The following INTS7 variants were observed in gnomAD, a reference collection of about 807,000 sequenced individuals.
The protein encoded by INTS7 is integrator complex subunit 7.
A neutral mutation model predicts 109.2 loss-of-function variants in INTS7; 46 were observed. The ratio of observed to expected loss-of-function variants is 0.42; its 90% CI spans 0.33 to 0.54. The LOEUF is 0.54. Among genes scored for constraint, INTS7 ranks in the 20% least tolerant of loss-of-function variants. The probability of loss-of-function intolerance (pLI) is 0.07; values close to 1 mark genes in which losing one functional copy is unlikely to be tolerated. For missense variants in INTS7, 929 were observed against 1,132.4 expected (o/e 0.82, Z 2.58); for synonymous variants, 412 against 402.9 (o/e 1.02, Z -0.27).
In INTS7 at chr1:211,942,103, A is replaced by G. The variant is rs1662658017; in HGVS notation, c.2610T>C (p.Ile870=). 2 of 1,613,490 alleles carry G rather than the reference A, an allele frequency of 1.2e-6. No homozygotes were observed. Among genetic ancestry groups the G allele is most frequent in the South Asian group, 2.2e-5 (2 of 90,980 alleles). ...SKSGQDYKIP[I]DNMTNEMEQR... ...GCTCCATCTCATTGGTCATGTTGTC[A>G]ATGGGTATCTGCAATGAAACAATTG... Residue 870 remains isoleucine (I), a synonymous_variant, in exon 20 of 20, where the codon ATT becomes ATC. Transcript: ENST00000366994. This position sits in a 1 kb window ranked among gnomAD's most constrained non-coding sequence, Gnocchi z 4.2.
In INTS7 at chr1:211,975,375, A is replaced by G. The variant is rs753595968; in HGVS notation, c.1609-3T>C. The G allele has an allele frequency of 1.2e-6, 2 of 1,609,240 alleles. No individual in the cohort carries two copies. Among genetic ancestry groups the G allele is most frequent in the Non-Finnish European group, 1.7e-6 (2 of 1,176,898 alleles). ...TCTTTGGCCATGTCATGATTACCCT[A>G]AAAACAAAAAAAGAAAAGAAAAAAG... On this transcript the variant is annotated splice_region_variant and splice_polypyrimidine_tract_variant and intron_variant, in intron 12 of 19. Coordinates refer to ENST00000366994, the MANE Select transcript of INTS7 (RefSeq NM_015434.4).
intron 15 of INTS7, among the ~76,000 whole-genome samples, chr1:211,967,549 G>A (rs1663950322): frequency 6.6e-6 from 1 of 151,882 alleles, no homozygotes; most frequent in Non-Finnish European, 1.5e-5. Flanking sequence ...AGAAAGGTGA[G>A]GTGAAATACA....
chr1:212,032,280 T>C (rs1315965042), intron 1 of INTS7, among the ~76,000 whole-genome samples: 2 of 152,198 alleles, frequency 1.3e-5, no homozygotes, highest in Non-Finnish European at 2.9e-5. Context: ...TGCCTTCTCA[T>C]TGGTCTCCCT....
intron 16 of INTS7, among the ~76,000 whole-genome samples, chr1:211,954,484 T>C (rs573887009): frequency 0.024 from 3,619 of 152,344 alleles, 60 homozygotes; most frequent in South Asian, 0.047. Flanking sequence ...GCCTATGTCC[T>C]GAATGGTATT....
chr1:212,026,902 C>T (rs993624467), intron 1 of INTS7, among the ~76,000 whole-genome samples: 2 of 152,198 alleles, frequency 1.3e-5, no homozygotes, highest in African/African-American at 2.4e-5. Flanking sequence ...CCTTGAAAAA[C>T]AGAACCAAAG....
chr1:211,966,932 T>C (rs1663908610), intron 15 of INTS7, among the ~76,000 whole-genome samples: 1 of 152,152 alleles, frequency 6.6e-6, no homozygotes, highest in South Asian at 2.1e-4. Context: ...CCTAATCTAG[T>C]GCTCAAGAGG....
intron 13 of INTS7, among the ~76,000 whole-genome samples, chr1:211,974,959 G>A (rs1664354926): frequency 6.6e-6 from 1 of 152,160 alleles, no homozygotes; most frequent in African/African-American, 2.4e-5. Context: ...CTCTTCACAT[G>A]TGGTACCCAG....
chr1:212,001,039 C>T (rs1665644578), intron 7 of INTS7, among the ~76,000 whole-genome samples: 1 of 149,982 alleles, frequency 6.7e-6, no homozygotes, highest in East Asian at 1.9e-4. Context: ...CATATCATTT[C>T]TCTGCTCCCT....
rs559331395 is a variant in INTS7 at position 211,975,098 on chromosome 1, T to C, written c.1815+68A>G. On this transcript the variant is annotated intron_variant, in intron 13 of 19. Transcript: ENST00000366994. Reference sequence around the variant, plus strand: ...TCTCAAGTTAGTTGAAATAGGACAATCCAAAAAGAGAAGGGAGAGAACTCT... The same window carrying C: ...TCTCAAGTTAGTTGAAATAGGACAACCCAAAAAGAGAAGGGAGAGAACTCT... The C allele has an allele frequency of 1.6e-4, 178 of 1,105,364 alleles. No individual in the cohort carries two copies. In the African/African-American group the frequency reaches 2.4e-3, roughly 15 times the overall value. The allele number at this position is 1,105,364 out of a possible 1,614,324, so 68.5% of individuals were successfully genotyped here. A position where few individuals can be genotyped will look rare whatever the true frequency, so the allele number is the denominator to read the frequency against.
At chr1:211,988,228 G>C (rs1664985378) in intron 7 of INTS7, among the ~76,000 whole-genome samples, 2 of 151,956 alleles carry the variant, frequency 1.3e-5, no homozygotes, top group Non-Finnish European at 2.9e-5. Context: ...TTTGAGACCA[G>C]CCTGGGCTCA....
chr1:212,023,758 G>C (rs1265555323), intron 1 of INTS7, among the ~76,000 whole-genome samples: 1 of 152,058 alleles, frequency 6.6e-6, no homozygotes, highest in Non-Finnish European at 1.5e-5. Context: ...GGTCCCACTT[G>C]TCCATTTTTG....
intron 16 of INTS7, among the ~76,000 whole-genome samples, chr1:211,954,964 T>A (rs576331833): frequency 5.8e-4 from 88 of 152,344 alleles, no homozygotes; most frequent in African/African-American, 2.1e-3. Flanking sequence ...GGGGATGGCA[T>A]TGAATCTATA....
chr1:211,960,642 C>G (rs1663581179), intron 16 of INTS7, among the ~76,000 whole-genome samples: 1 of 152,192 alleles, frequency 6.6e-6, no homozygotes, highest in African/African-American at 2.4e-5. Context: ...GAAAAACAAA[C>G]TGCAATAATT....
Position 212,020,250 on chromosome 1 carries a change from T to G in INTS7, c.243A>C (p.Leu81=). 1 of 1,583,298 alleles carries G rather than the reference T, an allele frequency of 6.3e-7. No individual in the cohort carries two copies. The highest frequency in any genetic ancestry group is 8.6e-7 in the Non-Finnish European group (1 of 1,162,210). The change falls in exon 3 of 20, where the codon CTA becomes CTC. Residue 81 remains leucine, a synonymous_variant. Transcript: ENST00000366994. Reference sequence around the variant, plus strand: ...TTTGTTGGGTAACTTTAAGAACACATAGCCTCAGGAAATTATTTCTAGAAA... The same window carrying G: ...TTTGTTGGGTAACTTTAAGAACACAGAGCCTCAGGAAATTATTTCTAGAAA... The part of the protein sequence containing the change: ...VFRVGNNFLR[L]CVLKVTQQSE...
intron 1 of INTS7, among the ~76,000 whole-genome samples, chr1:212,033,878 T>C (rs1424229634): frequency 6.6e-6 from 1 of 151,464 alleles, no homozygotes; most frequent in Non-Finnish European, 1.5e-5. Context: ...AGGTCAGGAG[T>C]TGGAGACCAG....
intron 17 of INTS7, among the ~76,000 whole-genome samples, chr1:211,950,649 C>T (rs777237886): frequency 6.6e-6 from 1 of 152,216 alleles, no homozygotes; most frequent in Non-Finnish European, 1.5e-5. Flanking sequence ...TTAAACCTCA[C>T]AGTAATCCTA....
intron 17 of INTS7, among the ~76,000 whole-genome samples, chr1:211,947,190 G>C (rs966341750): frequency 6.6e-6 from 1 of 152,042 alleles, no homozygotes; most frequent in East Asian, 1.9e-4. Context: ...GTGGAAACTT[G>C]GTCGAATTCA....
At chr1:211,989,620 G>A (rs1455859857) in intron 7 of INTS7, among the ~76,000 whole-genome samples, 1 of 151,898 alleles carries the variant, frequency 6.6e-6, no homozygotes, top group African/African-American at 2.4e-5. Context: ...TCAGGAGTTC[G>A]AGACCAGCCT....
chr1:212,000,395 G>A (rs576050087), intron 7 of INTS7, among the ~76,000 whole-genome samples: 1 of 152,174 alleles, frequency 6.6e-6, no homozygotes, highest in African/African-American at 2.4e-5. Flanking sequence ...TTTTAAAGTT[G>A]TATCTTCAGA....
Sources: gnomAD v4.1 joint callset for allele counts (sites outside exome capture counted in the v4.1 genomes callset) on GRCh38, gnomAD v4.1.1 for gene constraint, Gnocchi (gnomAD v3.1) non-coding constraint, MANE v1.5 for transcripts, NCBI Gene and HGNC (gene_info 2026-07-23, HGNC 2026-07-21) for gene names.